The following DMXL1 variants were observed in gnomAD, a reference collection of about 807,000 sequenced individuals.
DMXL1 encodes dmX-like protein 1.
DMXL1 carries 99 observed loss-of-function variants against 319.2 expected under a neutral mutation model. The ratio of observed to expected loss-of-function variants is 0.31; its 90% CI spans 0.26 to 0.37. The LOEUF is 0.37. DMXL1 is among the 10% of genes least tolerant of loss of function. The pLI is 1.00. For missense variants in DMXL1, 3,745 were observed against 3,595.6 expected (o/e 1.04, Z -1.06); for synonymous variants, 1,385 against 1,235.2 (o/e 1.12, Z -2.54).
intron 13 of DMXL1, among the ~76,000 whole-genome samples, chr5:119,142,426 A>G (rs1343978561): frequency 6.6e-6 from 1 of 151,982 alleles, no homozygotes; most frequent in Non-Finnish European, 1.5e-5. Context: ...AAACATGATA[A>G]AAAGCTCAAT....
intron 25 of DMXL1, 29 bp from the exon 26 acceptor site, chr5:119,175,232 C>T: frequency 6.5e-7 from 1 of 1,531,038 alleles, no homozygotes; most frequent in Non-Finnish European, 8.9e-7. Context: ...AAAGGTTATA[C>T]TTAAAGTAAT....
chr5:119,228,895 A>T (rs1261996610), intron 38 of DMXL1, among the ~76,000 whole-genome samples: 1 of 152,078 alleles, frequency 6.6e-6, no homozygotes, highest in African/African-American at 2.4e-5. Context: ...TTAATGTTGT[A>T]GGAAAAAAAC....
intron 6 of DMXL1, among the ~76,000 whole-genome samples, chr5:119,114,798 A>G (rs931666237): frequency 1.3e-5 from 2 of 152,130 alleles, no homozygotes; most frequent in African/African-American, 4.8e-5. Flanking sequence ...CCTCTCAAGT[A>G]GCTGGGACTA....
Position 119,165,282 on chromosome 5 carries a change from T to C in DMXL1, c.4970+2T>C. The C allele has an allele frequency of 7.4e-7, 1 of 1,348,976 alleles. No individual in the cohort carries two copies. The highest frequency in any genetic ancestry group is 1.0e-6 in the Non-Finnish European group (1 of 990,394). The allele number at this position is 1,348,976 out of a possible 1,614,324, so 83.6% of individuals were successfully genotyped here. A position where few individuals can be genotyped will look rare whatever the true frequency, so the allele number is the denominator to read the frequency against. Reference sequence around the variant, plus strand: ...AGCTGTGATTTGGGGATTATATAGGTAGGTAAAAAAAAAAAAAAAAAAGGG... The same window carrying C: ...AGCTGTGATTTGGGGATTATATAGGCAGGTAAAAAAAAAAAAAAAAAAGGG... On this transcript the variant is annotated splice_donor_variant, in intron 21 of 43. Transcript: ENST00000539542. LOFTEE classifies it high-confidence loss of function.
chr5:119,071,767 G>A lies in DMXL1; in HGVS notation c.87+111G>A, dbSNP rs541508833. Reference sequence around the variant, plus strand: ...GGCGCGAGGTCTTGTCTCCCCAGGGGGGTCCTTACCACCCAGAACCCAGCA... The same window carrying A: ...GGCGCGAGGTCTTGTCTCCCCAGGGAGGTCCTTACCACCCAGAACCCAGCA... On this transcript the variant is annotated intron_variant, in intron 1 of 43. Transcript: ENST00000539542. The A allele has an allele frequency of 1.2e-4, 123 of 996,842 alleles. No homozygotes were observed. The African/African-American group carries it at 1.6e-3, about 13-fold the overall frequency. 61.7% of individuals were successfully genotyped at this position (996,842 alleles called of 1,614,324 possible).
chr5:119,142,171 C>G (rs1174548420), intron 13 of DMXL1, among the ~76,000 whole-genome samples: 2 of 152,090 alleles, frequency 1.3e-5, no homozygotes, highest in South Asian at 2.1e-4. Context: ...GGAAGACAAT[C>G]TAGGCGATAC....
rs1447566977 is a variant in DMXL1 at position 119,203,404 on chromosome 5, A to C, written c.7831A>C (p.Asn2611His). 6.2e-7 allele frequency: 1 copy of C among 1,604,924 alleles called. No individual in the cohort carries two copies. Among genetic ancestry groups the C allele is most frequent in the African/African-American group, 1.3e-5 (1 of 74,652 alleles). The change falls in exon 33 of 44, where the codon AAT becomes CAT. Residue 2611 changes from asparagine to histidine, a missense_variant. Asn to His is a moderately conservative substitution (Grantham distance 68). Coordinates refer to ENST00000539542, the MANE Select transcript of DMXL1 (RefSeq NM_001290321.3). ...AGAAATTCAGGAAACCTTTATCAAA[A>C]ATATATTCACAAAGAAACGGTGTCT... ...QEEIQETFIK[N>H]IFTKKRCLNE...
chr5:119,075,212 A>G (rs912679063), intron 1 of DMXL1, among the ~76,000 whole-genome samples: 12 of 151,332 alleles, frequency 7.9e-5, no homozygotes, highest in Admixed American at 6.6e-4. Flanking sequence ...GAGTCCAAAT[A>G]AAATATTCCT....
intron 18 of DMXL1, among the ~76,000 whole-genome samples, chr5:119,151,549 C>T (rs1437043341): frequency 6.6e-6 from 1 of 152,066 alleles, no homozygotes; most frequent in Admixed American, 6.6e-5. Context: ...AACTGTTTCT[C>T]CCAGTGTTAA....
intron 28 of DMXL1, among the ~76,000 whole-genome samples, chr5:119,187,903 A>C (rs973108904): frequency 1.3e-5 from 2 of 152,134 alleles, no homozygotes; most frequent in South Asian, 4.1e-4. Context: ...TGATCTGCCC[A>C]CCTCTGCCTC....
intron 37 of DMXL1, among the ~76,000 whole-genome samples, chr5:119,224,336 G>C (rs1443080569): frequency 6.6e-6 from 1 of 151,928 alleles, no homozygotes; most frequent in African/African-American, 2.4e-5. Flanking sequence ...GTTCCAAACT[G>C]TTTTTAAATT....
chr5:119,228,537 A>C (rs1196461161), intron 38 of DMXL1, among the ~76,000 whole-genome samples: 1 of 152,220 alleles, frequency 6.6e-6, no homozygotes, highest in East Asian at 1.9e-4. Flanking sequence ...GTATATACCC[A>C]TACAAATATA....
At chr5:119,084,493 T>C (rs1021140910) in intron 1 of DMXL1, among the ~76,000 whole-genome samples, 2 of 152,216 alleles carry the variant, frequency 1.3e-5, no homozygotes, top group Non-Finnish European at 2.9e-5. Flanking sequence ...ACCTAAATTT[T>C]AGGGTCATTT....
At chr5:119,168,932 C>A (rs765795364) in intron 23 of DMXL1, among the ~76,000 whole-genome samples, 2 of 151,810 alleles carry the variant, frequency 1.3e-5, no homozygotes, top group Non-Finnish European at 2.9e-5. Context: ...GAGGTGGAGT[C>A]TCACTCTCAC....
chr5:119,150,940 C>T lies in DMXL1; in HGVS notation c.4594+519C>T, dbSNP rs144622820. Among the ~76,000 whole-genome samples the T allele has an allele frequency of 5.6e-3, 850 of 151,272 alleles. 8 individuals carry two copies. Among genetic ancestry groups the T allele is most frequent in the African/African-American group, 0.02 (807 of 41,222 alleles). On this transcript the variant is annotated intron_variant, in intron 18 of 43. Coordinates refer to ENST00000539542, the MANE Select transcript of DMXL1 (RefSeq NM_001290321.3). ...TAAATCATAGTACTATGAGCGAGTG[C>T]ACAAAGACTCGTTATGCTGTTCATT...
intron 1 of DMXL1, among the ~76,000 whole-genome samples, chr5:119,072,287 A>G (rs923687502): frequency 6.6e-6 from 1 of 152,204 alleles, no homozygotes; most frequent in South Asian, 2.1e-4. Flanking sequence ...CATTGGTCAC[A>G]TATTGACAAG....
chr5:119,244,672 G>T, intron 43 of DMXL1, 96 bp downstream of exon 43: 1 of 813,398 alleles, frequency 1.2e-6, no homozygotes, highest in Non-Finnish European at 1.9e-6. Flanking sequence ...TTAAATAATA[G>T]TTATATTAAT....
chr5:119,230,826 G>A (rs1786561445), intron 38 of DMXL1, among the ~76,000 whole-genome samples: 1 of 151,146 alleles, frequency 6.6e-6, no homozygotes, highest in African/African-American at 2.4e-5. Flanking sequence ...AGGTTACAGT[G>A]AGCCGAGATC....
In DMXL1 at chr5:119,151,981, C is replaced by G; in HGVS notation, c.4647C>G (p.Leu1549=). 5 of 1,613,208 alleles carry G rather than the reference C, an allele frequency of 3.1e-6. No homozygotes were observed. Among genetic ancestry groups the G allele is most frequent in the African/African-American group, 2.7e-5 (2 of 74,942 alleles). The change falls in exon 19 of 44, where the codon CTC becomes CTG. Residue 1549 remains leucine (L), a synonymous_variant. Transcript: ENST00000539542. The stretch of plus-strand genomic sequence containing the variant: ...TAAAATTTCTTTTGGCTGTTCGACT[C>G]CATACCTTTCTTACAACTTCCCTTC... ...CGLKFLLAVR[L]HTFLTTSLPA...
Sources: allele counts gnomAD v4.1 joint callset (sites outside exome capture counted in the v4.1 genomes callset), GRCh38; gene constraint gnomAD v4.1.1; transcripts MANE v1.5; gene names NCBI Gene and HGNC (gene_info 2026-07-23, HGNC 2026-07-21).